The following KCNMA1 variants were observed in gnomAD, a reference collection of about 807,000 sequenced individuals.
KCNMA1 encodes the protein potassium calcium-activated channel subfamily M alpha 1.
In KCNMA1, 29 loss-of-function variants were observed where a neutral mutation model predicts 140.0. The observed-to-expected ratio is 0.21, with a 90% CI of 0.15 to 0.28. KCNMA1 has a LOEUF of 0.28. KCNMA1 is among the 10% of genes least tolerant of loss of function. The pLI is 1.00. For synonymous variants in KCNMA1, 612 were observed against 611.9 expected (o/e 1.00, Z 0.00); for missense variants, 880 against 1,602.2 (o/e 0.55, Z 7.70).
At chr10:77,383,029 T>TATATATATATATATATATATATATA (rs1566450922) in intron 2 of KCNMA1, among the ~76,000 whole-genome samples, 1 of 113,572 alleles carries the variant, frequency 8.8e-6, no homozygotes, top group African/African-American at 3.4e-5. Context: ...TATATATATA[T>TATATATATATATATATATATATATA]TCCAAGTGGA....
intron 1 of KCNMA1, among the ~76,000 whole-genome samples, chr10:77,527,538 T>C (rs956766072): frequency 2.6e-5 from 4 of 152,056 alleles, no homozygotes; most frequent in Non-Finnish European, 5.9e-5. Flanking sequence ...CACCAGGATG[T>C]CCAGGCCAGG....
Position 77,637,777 on chromosome 10 carries a change from GC to G in KCNMA1, c.-136del. 7.7e-7 allele frequency: 1 copy of G among 1,291,090 alleles called. No homozygotes were observed. The highest frequency in any genetic ancestry group is 9.7e-7 in the Non-Finnish European group (1 of 1,028,854). 80.0% of individuals were successfully genotyped at this position (1,291,090 alleles called of 1,614,324 possible). A position where few individuals can be genotyped will look rare whatever the true frequency, so the allele number is the denominator to read the frequency against. ...CGCCGCCGCGGAGCGCGGGAGGGGG[GC>G]GGGGAGGCGCCTGGGCTCGGGGCGC... On this transcript the variant is annotated 5_prime_UTR_variant, in exon 1 of 28. Coordinates refer to ENST00000286628, the MANE Select transcript of KCNMA1 (RefSeq NM_001161352.2).
chr10:77,025,439 T>A (rs976669887), intron 16 of KCNMA1: 40 of 1,602,446 alleles, frequency 2.5e-5, no homozygotes, highest in Non-Finnish European at 3.2e-5. Context: ...TAACGAAGAG[T>A]GCATACCGCT....
In KCNMA1 at chr10:77,636,963, C is replaced by T. The variant is rs76903211; in HGVS notation, c.378+302G>A. On this transcript the variant is annotated intron_variant, in intron 1 of 27. Coordinates refer to ENST00000286628, the MANE Select transcript of KCNMA1 (RefSeq NM_001161352.2). ...CCACCCCGCACCACGGCACCCGAGCCTGTGAGTCCCCGACCCCGGCCCCAG... is the reference window on the plus strand; with the variant it reads ...CCACCCCGCACCACGGCACCCGAGCTTGTGAGTCCCCGACCCCGGCCCCAG... The T allele has an allele frequency of 5.1e-3, 7,266 of 1,414,708 alleles. 347 individuals carry two copies. In the African/African-American group the frequency reaches 0.094, roughly 18 times the overall value. The allele number at this position is 1,414,708 out of a possible 1,614,324, so 87.6% of individuals were successfully genotyped here.
chr10:77,148,120 C>A (rs890070796), intron 5 of KCNMA1, among the ~76,000 whole-genome samples: 1 of 152,172 alleles, frequency 6.6e-6, no homozygotes, highest in Non-Finnish European at 1.5e-5. Flanking sequence ...TCATCCTGCA[C>A]CTGCCATGAG....
chr10:77,127,004 G>A (rs568523393), intron 5 of KCNMA1, among the ~76,000 whole-genome samples: 5 of 151,434 alleles, frequency 3.3e-5, no homozygotes, highest in Non-Finnish European at 4.4e-5. Context: ...TTACAATAGC[G>A]TAGGAGTGTA....
chr10:77,137,397 G>C (rs1246503241), intron 5 of KCNMA1, among the ~76,000 whole-genome samples: 1 of 152,182 alleles, frequency 6.6e-6, no homozygotes, highest in Non-Finnish European at 1.5e-5. Context: ...AATTATTTTT[G>C]TGGTGTCTGA....
At chr10:77,482,285 T>C (rs2098406943) in intron 1 of KCNMA1, among the ~76,000 whole-genome samples, 1 of 152,236 alleles carries the variant, frequency 6.6e-6, no homozygotes, top group Non-Finnish European at 1.5e-5. Flanking sequence ...GCATCTGTCC[T>C]GACTCCAGTA....
rs760628050 is a variant in KCNMA1 at position 77,637,586 on chromosome 10, T to TCCGCCGCCG, written c.48_56dup (p.Gly18_Gly20dup). On this transcript the variant is annotated inframe_insertion, in exon 1 of 28. Coordinates refer to ENST00000286628, the MANE Select transcript of KCNMA1 (RefSeq NM_001161352.2). Reference sequence around the variant, plus strand: ...TGCTACTCATTCTAAGACTGCTGCCTCCGCCGCCGCCGCCGCCGCCGCTGC... The same window carrying TCCGCCGCCG: ...TGCTACTCATTCTAAGACTGCTGCCTCCGCCGCCGCCGCCGCCGCCGCCGCCGCCGCTGC... The TCCGCCGCCG allele has an allele frequency of 3.7e-5, 57 of 1,524,876 alleles. No individual in the cohort carries two copies. The highest frequency in any genetic ancestry group is 9.7e-5 in the African/African-American group (7 of 72,158). The allele number at this position is 1,524,876 out of a possible 1,614,324, so 94.5% of individuals were successfully genotyped here. A position where few individuals can be genotyped will look rare whatever the true frequency, so the allele number is the denominator to read the frequency against.
At chr10:77,564,416 T>C (rs1046714651) in intron 1 of KCNMA1, among the ~76,000 whole-genome samples, 1 of 151,984 alleles carries the variant, frequency 6.6e-6, no homozygotes, top group Non-Finnish European at 1.5e-5. Context: ...CTACTAAAAA[T>C]ACAAAAATTA....
At chr10:77,347,736 C>T (rs2092376711) in intron 2 of KCNMA1, among the ~76,000 whole-genome samples, 2 of 152,150 alleles carry the variant, frequency 1.3e-5, no homozygotes, top group Non-Finnish European at 2.9e-5. Flanking sequence ...TGCTCTATGA[C>T]ATGATAAGAA....
intron 1 of KCNMA1, among the ~76,000 whole-genome samples, chr10:77,430,109 C>A (rs1053097400): frequency 5.3e-5 from 8 of 152,188 alleles, no homozygotes; most frequent in African/African-American, 1.9e-4. Flanking sequence ...TGAACTTTGT[C>A]ATGCAAAAGC....
At chr10:77,024,486 T>A (rs1443600668) in intron 16 of KCNMA1, among the ~76,000 whole-genome samples, 1 of 152,094 alleles carries the variant, frequency 6.6e-6, no homozygotes, top group Non-Finnish European at 1.5e-5. Flanking sequence ...CAAGTAGGCA[T>A]CTCAACAGTA....
intron 5 of KCNMA1, among the ~76,000 whole-genome samples, chr10:77,170,783 A>T (rs2098697977): frequency 6.6e-6 from 1 of 152,236 alleles, no homozygotes; most frequent in African/African-American, 2.4e-5. Context: ...AAAGTCAAGC[A>T]AAGGTGCTCA....
Position 77,402,673 on chromosome 10 carries a change from AG to A in KCNMA1, c.540+1188del, listed in dbSNP as rs1809449652. Among the ~76,000 whole-genome samples the A allele has an allele frequency of 7.9e-5, 12 of 152,308 alleles. No individual in the cohort carries two copies. In the South Asian group the frequency reaches 2.5e-3, roughly 32 times the overall value. ...GTTCTCCCCAAGAAGGATTCTGAGA[AG>A]TGAAATTCTCACCACCTCCCTCCAT... On this transcript the variant is annotated intron_variant, in intron 2 of 27. Transcript: ENST00000286628.
At chr10:77,244,749 G>C (rs765166675) in intron 3 of KCNMA1, among the ~76,000 whole-genome samples, 3 of 152,212 alleles carry the variant, frequency 2.0e-5, no homozygotes, top group Admixed American at 2.0e-4. Flanking sequence ...GGCTGAGTTA[G>C]AGTTACTCTC....
chr10:77,572,679 T>G (rs2072096722), intron 1 of KCNMA1, among the ~76,000 whole-genome samples: 1 of 136,052 alleles, frequency 7.4e-6, no homozygotes, highest in Middle Eastern at 3.7e-3. Flanking sequence ...TCGCTTGAGC[T>G]CGAGAGGTCA....
At chr10:76,877,866 G>A (rs202009916) in exon 30 of KCNMA1, 21 of 1,610,308 alleles carry the variant, frequency 1.3e-5, no homozygotes, top group African/African-American at 5.3e-5. Context: ...GGCATTATCC[G>A]GTTCATCTGT....
At chr10:77,387,211 A>C (rs2095633877) in intron 2 of KCNMA1, among the ~76,000 whole-genome samples, 1 of 152,258 alleles carries the variant, frequency 6.6e-6, no homozygotes, top group Non-Finnish European at 1.5e-5. Flanking sequence ...CACTAAAGAA[A>C]GTCTCCAGAT....
Sources: gnomAD v4.1 joint callset for allele counts (sites outside exome capture counted in the v4.1 genomes callset) on GRCh38, gnomAD v4.1.1 for gene constraint, MANE v1.5 for transcripts, NCBI Gene and HGNC (gene_info 2026-07-23, HGNC 2026-07-21) for gene names.